LDAF1: variants seen among roughly 807,000 people sequenced by gnomAD.
The protein encoded by LDAF1 is PROMETHIN.
A neutral mutation model predicts 13.5 loss-of-function variants in LDAF1; 7 were observed. The observed-to-expected ratio is 0.52, with a 90% CI of 0.29 to 0.97. The LOEUF (loss-of-function observed/expected upper bound fraction) is 0.97. Among genes scored for constraint, LDAF1 ranks in the 50% least tolerant of loss-of-function variants. The pLI is 0.07. For synonymous variants in LDAF1, 69 were observed against 77.1 expected, an observed-to-expected ratio of 0.89 and a Z score of 0.55; for missense variants, 148 against 193.2, an observed-to-expected ratio of 0.77 and a Z score of 1.39.
intron 4 of LDAF1, among the ~76,000 whole-genome samples, chr16:21,177,750 TG>T (rs2093152552): frequency 6.6e-6 from 1 of 151,596 alleles, no homozygotes; most frequent in Non-Finnish European, 1.5e-5. Context: ...CCCGAGTAGC[TG>T]GGATTATAGG....
rs777081625 is a variant in LDAF1, at chr16:21,179,589, T to C, written c.*33T>C. On this transcript the variant is annotated 3_prime_UTR_variant, in exon 5 of 5. Transcript: ENST00000233047. Reference sequence around the variant, plus strand: ...CTCAGAGGCCGGGCTTCTTTTCAAGTACTGCTGGATCATACTCACCCCTTG... The same window carrying C: ...CTCAGAGGCCGGGCTTCTTTTCAAGCACTGCTGGATCATACTCACCCCTTG... The C allele has an allele frequency of 6.3e-7, 1 of 1,584,198 alleles. No individual in the cohort carries two copies.
intron 2 of LDAF1, among the ~76,000 whole-genome samples, chr16:21,166,645 C>G (rs2093026872): frequency 6.6e-6 from 1 of 152,220 alleles, no homozygotes; most frequent in South Asian, 2.1e-4. Context: ...CTGCTGCCTC[C>G]CTTTCCTGGA....
At position 21,170,540 on chromosome 16, in the gene LDAF1, G is replaced by A; in HGVS notation, c.200G>A (p.Gly67Glu). Residue 67 changes from glycine (G) to glutamate (E), a missense_variant, in exon 3 of 5, where the codon GGA (glycine) becomes GAA (glutamate). Transcript: ENST00000233047. ...VFIVMSAVPVGFFLLIVVLTT... is the reference protein window; with the variant it reads ...VFIVMSAVPVEFFLLIVVLTT... ...ATTGTCATGTCGGCCGTTCCTGTTGGATTCTTCCTGCTCATCGTGGTGCTT... is the reference window on the plus strand; with the variant it reads ...ATTGTCATGTCGGCCGTTCCTGTTGAATTCTTCCTGCTCATCGTGGTGCTT... 1 of 1,614,166 alleles carries A rather than the reference G, an allele frequency of 6.2e-7. No individual in the cohort carries two copies. Among genetic ancestry groups the A allele is most frequent in the Non-Finnish European group, 8.5e-7 (1 of 1,180,028 alleles).
chr16:21,177,125 T>G (rs1193478846), intron 4 of LDAF1: 1 of 152,192 alleles, frequency 6.6e-6, no homozygotes, highest in African/African-American at 2.4e-5. Flanking sequence ...GGTATTATTT[T>G]ACATTTTACA....
chr16:21,160,801 A>G (rs1232707138), intron 1 of LDAF1, among the ~76,000 whole-genome samples: 1 of 152,224 alleles, frequency 6.6e-6, no homozygotes, highest in Non-Finnish European at 1.5e-5. Flanking sequence ...TCCTAATGGA[A>G]ATACAGTTAG....
chr16:21,161,214 G>A lies in LDAF1; in HGVS notation c.32G>A (p.Arg11Lys). The A allele has an allele frequency of 6.2e-7, 1 of 1,614,232 alleles. No individual in the cohort carries two copies. Among genetic ancestry groups the A allele is most frequent in the Non-Finnish European group, 8.5e-7 (1 of 1,180,046 alleles). Reference sequence around the variant, plus strand: ...AAAGAGGAGCCCCAGAGTATCTCAAGGGACTTGCAGGAACTGCAGAAGAAG... The same window carrying A: ...AAAGAGGAGCCCCAGAGTATCTCAAAGGACTTGCAGGAACTGCAGAAGAAG... Reference protein sequence around the residue: MAKEEPQSISRDLQELQKKLS... With the variant: MAKEEPQSISKDLQELQKKLS... Residue 11 changes from arginine (R) to lysine (K), a missense_variant, in exon 2 of 5, where the codon AGG becomes AAG. Transcript: ENST00000233047.
chr16:21,167,904 G>A (rs2093041321), intron 2 of LDAF1, among the ~76,000 whole-genome samples: 1 of 149,528 alleles, frequency 6.7e-6, no homozygotes, highest in African/African-American at 2.4e-5. Context: ...TACTCGGGAG[G>A]CTGAGGCGGG....
chr16:21,176,074 T>C (rs1419565948), intron 4 of LDAF1, among the ~76,000 whole-genome samples: 1 of 152,130 alleles, frequency 6.6e-6, no homozygotes, highest in Admixed American at 6.6e-5. Flanking sequence ...AGGAGAAATA[T>C]TGGCCTATTT....
intron 4 of LDAF1, among the ~76,000 whole-genome samples, chr16:21,176,682 C>A (rs188691269): frequency 6.6e-6 from 1 of 151,814 alleles, no homozygotes; most frequent in East Asian, 1.9e-4. Context: ...AAATAAATAA[C>A]TAACATGACA....
At chr16:21,179,029 CT>C in intron 4 of LDAF1, 1 of 180,946 alleles carries the variant, frequency 5.5e-6, no homozygotes, top group Non-Finnish European at 1.2e-5. Context: ...CCCCGAACTC[CT>C]TTCCATGGAA....
At chr16:21,160,185 C>CAGG (rs3841485) in intron 1 of LDAF1, among the ~76,000 whole-genome samples, 74,727 of 151,250 alleles carry the variant, frequency 0.49, 19,236 homozygotes, top group East Asian at 0.69. Context: ...TACTGTAGGT[C>CAGG]AGGTCAGTTT....
chr16:21,165,489 C>T (rs2152843582), intron 2 of LDAF1: 1 of 610,178 alleles, frequency 1.6e-6, no homozygotes, highest in South Asian at 7.4e-5. Flanking sequence ...CTTTTATATC[C>T]CTGTGCCATA....
chr16:21,168,940 A>C (rs2093057624), intron 2 of LDAF1, among the ~76,000 whole-genome samples: 1 of 126,246 alleles, frequency 7.9e-6, no homozygotes, highest in South Asian at 2.6e-4. Context: ...TTAAATATTT[A>C]TATTTATAGT....
At position 21,164,819 on chromosome 16, in the gene LDAF1, C is replaced by T. The variant is rs1953007814; in HGVS notation, c.96+3541C>T. 2.0e-5 allele frequency among the ~76,000 whole-genome samples: 3 copies of T among 152,168 alleles called. No homozygotes were observed. The South Asian group carries it at 6.2e-4, about 32-fold the overall frequency. Reference sequence around the variant, plus strand: ...CCCACTTTCCATCTTTCCATTGCATCCCCCTCTGTTGCCATGAGAATGAAA... The same window carrying T: ...CCCACTTTCCATCTTTCCATTGCATTCCCCTCTGTTGCCATGAGAATGAAA... On this transcript the variant is annotated intron_variant, in intron 2 of 4. Transcript: ENST00000233047.
chr16:21,159,343 C>A, intron 1 of LDAF1: 1 of 1,614,176 alleles, frequency 6.2e-7, no homozygotes, highest in Non-Finnish European at 8.5e-7. Flanking sequence ...CACTCCCTTC[C>A]TCCTCTCCTT....
In LDAF1 at chr16:21,173,995, A is replaced by C. The variant is rs1391818386; in HGVS notation, c.266-15A>C. ...TTTGAGATGAACCCTTCTCCTAACC[A>C]CGTTCTCCTCCTAGGATTGGTCATC... On this transcript the variant is annotated splice_polypyrimidine_tract_variant and intron_variant, in intron 3 of 4. Transcript: ENST00000233047. 2 of 1,607,000 alleles carry C rather than the reference A, an allele frequency of 1.2e-6. No individual in the cohort carries two copies. The highest frequency in any genetic ancestry group is 1.7e-6 in the Non-Finnish European group (2 of 1,177,442).
In LDAF1 at chr16:21,161,292, C is replaced by G; in HGVS notation, c.96+14C>G. On this transcript the variant is annotated intron_variant, in intron 2 of 4. Transcript: ENST00000233047. ...AATAACTCAAAGGTCAGTTTCCAAT[C>G]ACTATGTATAATGGAAAATCCCAAT... 6.2e-7 allele frequency: 1 copy of G among 1,612,964 alleles called. No individual in the cohort carries two copies. The highest frequency in any genetic ancestry group is 8.5e-7 in the Non-Finnish European group (1 of 1,179,754).
intron 1 of LDAF1, among the ~76,000 whole-genome samples, chr16:21,159,607 G>T (rs967041271): frequency 3.3e-5 from 5 of 152,204 alleles, no homozygotes; most frequent in Non-Finnish European, 5.9e-5. Context: ...TGAAGAAGGC[G>T]GGGCACTCCT....
intron 3 of LDAF1, 75 bp downstream of exon 3, chr16:21,170,680 A>T: frequency 3.2e-6 from 5 of 1,585,828 alleles, no homozygotes; most frequent in South Asian, 2.3e-5. Context: ...CCATTTAAAA[A>T]TTTTTTTAAG....
Sources: gnomAD v4.1 joint callset for allele counts (sites outside exome capture counted in the v4.1 genomes callset) on GRCh38, gnomAD v4.1.1 for gene constraint, MANE v1.5 for transcripts, NCBI Gene and HGNC (gene_info 2026-07-23, HGNC 2026-07-21) for gene names.